The following CHRNA7 variants were observed in gnomAD, a reference collection of about 807,000 sequenced individuals.
CHRNA7 encodes the protein cholinergic receptor nicotinic alpha 7 subunit.
Under a neutral mutation model 48.0 loss-of-function variants are expected in CHRNA7, and 17 were observed. That is an observed-to-expected ratio of 0.35 (90% CI 0.24 to 0.53). The LOEUF (loss-of-function observed/expected upper bound fraction) is 0.53, where lower values mean the gene tolerates loss of function less well. Ranked by LOEUF, CHRNA7 falls within the 20% of genes least tolerant of loss-of-function variation. The pLI is 0.92. For synonymous variants in CHRNA7, 75 were observed against 242.3 expected (o/e 0.31, Z 6.41); for missense variants, 155 against 577.7 (o/e 0.27, Z 7.50).
At chr15:32,107,405 T>C (rs1205164718) in intron 3 of CHRNA7, among the ~76,000 whole-genome samples, 2 of 151,622 alleles carry the variant, frequency 1.3e-5, no homozygotes, top group Non-Finnish European at 2.9e-5. Context: ...GAAAATACTT[T>C]GCTTACTTAA....
chr15:32,123,284 A>G (rs1026115680), intron 4 of CHRNA7, among the ~76,000 whole-genome samples: 1 of 152,226 alleles, frequency 6.6e-6, no homozygotes, highest in African/African-American at 2.4e-5. Flanking sequence ...AAACCTCGTT[A>G]AATGCACAAA....
chr15:32,109,932 A>G (rs2050735064), intron 3 of CHRNA7, among the ~76,000 whole-genome samples: 1 of 152,090 alleles, frequency 6.6e-6, no homozygotes, highest in Admixed American at 6.6e-5. Flanking sequence ...TTGACCATCC[A>G]AGCACTCCCA....
chr15:32,152,442 C>CA (rs140229956), intron 4 of CHRNA7, among the ~76,000 whole-genome samples: 20 of 150,664 alleles, frequency 1.3e-4, no homozygotes, highest in South Asian at 8.4e-4. Flanking sequence ...GACTCCATTT[C>CA]AAAAAAAAAG....
At chr15:32,099,188 G>A (rs12440480) in intron 2 of CHRNA7, 25,422 of 152,212 alleles carry the variant, frequency 0.17, 2,515 homozygotes, top group South Asian at 0.36. Context: ...GTGCACCTGC[G>A]TGTGCATAGG....
chr15:32,087,740 G>A (rs1478871869), intron 2 of CHRNA7, among the ~76,000 whole-genome samples: 1 of 152,092 alleles, frequency 6.6e-6, no homozygotes, highest in Non-Finnish European at 1.5e-5. Flanking sequence ...TTTCAGAATT[G>A]GTAACTTACA....
At chr15:32,056,440 T>G (rs547142507) in intron 2 of CHRNA7, among the ~76,000 whole-genome samples, 1 of 152,352 alleles carries the variant, frequency 6.6e-6, no homozygotes, top group Non-Finnish European at 1.5e-5. Context: ...GTGAAAGGGT[T>G]GTTAGTGGAA....
intron 2 of CHRNA7, among the ~76,000 whole-genome samples, chr15:32,037,759 T>A (rs561951117): frequency 1.3e-5 from 2 of 152,262 alleles, no homozygotes; most frequent in South Asian, 4.1e-4. Context: ...AACCTTGTCT[T>A]CTGCAAAGTT....
intron 9 of CHRNA7, chr15:32,166,619 A>C (rs1231594382): frequency 3.3e-5 from 5 of 151,386 alleles, no homozygotes; most frequent in African/African-American, 1.2e-4. Flanking sequence ...ATAGGAAATA[A>C]ACCTGTTAGG....
chr15:32,062,379 T>C (rs927398775), intron 2 of CHRNA7, among the ~76,000 whole-genome samples: 1 of 152,232 alleles, frequency 6.6e-6, no homozygotes, highest in African/African-American at 2.4e-5. Flanking sequence ...CTGAGAGCCA[T>C]GCAATAGGCT....
chr15:32,036,776 T>G (rs1191555560), intron 2 of CHRNA7, among the ~76,000 whole-genome samples: 3 of 3,046 alleles, frequency 9.8e-4, no homozygotes, highest in Non-Finnish European at 7.9e-3. Flanking sequence ...TTCAGTGGGT[T>G]TTTTTTTTTT....
At chr15:32,034,239 G>A (rs1183719278) in intron 2 of CHRNA7, among the ~76,000 whole-genome samples, 1 of 152,172 alleles carries the variant, frequency 6.6e-6, no homozygotes, top group Admixed American at 6.5e-5. Flanking sequence ...TCTTTTCCAG[G>A]TTGAGGAAAG....
In CHRNA7 at chr15:32,111,615, C is replaced by T. The variant is rs1479125707; in HGVS notation, c.241-175C>T. 5.4e-6 allele frequency: 3 copies of T among 560,506 alleles called. No individual in the cohort carries two copies. The Admixed American group carries it at 9.8e-5, about 18-fold the overall frequency. 34.7% of individuals were successfully genotyped at this position (560,506 alleles called of 1,614,324 possible). A position where few individuals can be genotyped will look rare whatever the true frequency, so the allele number is the denominator to read the frequency against. On this transcript the variant is annotated intron_variant, in intron 3 of 9. Transcript: ENST00000306901. ...TTAAATGTGAGTTTTATGCTCTTCA[C>T]AGTCATTTTGGAAAGGATTTTTGAA... is the stretch of plus-strand genomic sequence containing the variant.
intron 2 of CHRNA7, among the ~76,000 whole-genome samples, chr15:32,052,059 A>C (rs547316192): frequency 6.6e-6 from 1 of 152,288 alleles, no homozygotes; most frequent in Admixed American, 6.5e-5. Context: ...TAGCCTCTTA[A>C]GCATTATTAA....
At chr15:32,094,582 T>G (rs2050435241) in intron 2 of CHRNA7, among the ~76,000 whole-genome samples, 1 of 152,222 alleles carries the variant, frequency 6.6e-6, no homozygotes, top group Admixed American at 6.5e-5. Flanking sequence ...GCCTTTTCAG[T>G]ACCTTTCTAT....
chr15:32,089,599 C>A (rs2050351035), intron 2 of CHRNA7, among the ~76,000 whole-genome samples: 1 of 152,026 alleles, frequency 6.6e-6, no homozygotes, highest in African/African-American at 2.4e-5. Flanking sequence ...ACTGCTTTTG[C>A]ATGTTGTTTA....
intron 2 of CHRNA7, among the ~76,000 whole-genome samples, chr15:32,080,969 T>G (rs1469161856): frequency 6.6e-6 from 1 of 152,072 alleles, no homozygotes; most frequent in African/African-American, 2.4e-5. Context: ...TAAAAAGAAA[T>G]GAGATCATGT....
At chr15:32,095,943 G>T (rs1448115144) in intron 2 of CHRNA7, among the ~76,000 whole-genome samples, 3 of 152,108 alleles carry the variant, frequency 2.0e-5, no homozygotes, top group African/African-American at 7.2e-5. Context: ...TCTTAAACAG[G>T]TTTCTGTACT....
intron 3 of CHRNA7, among the ~76,000 whole-genome samples, chr15:32,108,854 A>G (rs1393169782): frequency 6.6e-6 from 1 of 152,176 alleles, no homozygotes; most frequent in Non-Finnish European, 1.5e-5. Context: ...GAGGCAGGGT[A>G]CATGTAAGGA....
chr15:32,118,465 A>C (rs1490960882), intron 4 of CHRNA7, among the ~76,000 whole-genome samples: 1 of 152,122 alleles, frequency 6.6e-6, no homozygotes, highest in Non-Finnish European at 1.5e-5. Context: ...TTCACACCTG[A>C]GCTGGAGGGA....
Sources: gnomAD v4.1 joint callset for allele counts (sites outside exome capture counted in the v4.1 genomes callset) on GRCh38, gnomAD v4.1.1 for gene constraint, MANE v1.5 for transcripts, NCBI Gene and HGNC (gene_info 2026-07-23, HGNC 2026-07-21) for gene names.